The following ERCC6 variants were observed in gnomAD, a reference collection of about 807,000 sequenced individuals.
The protein encoded by ERCC6 is ERCC excision repair 6, chromatin remodeling factor.
ERCC6 carries 116 observed loss-of-function variants against 158.7 expected under a neutral mutation model. That is an observed-to-expected ratio of 0.73 (90% confidence interval 0.63 to 0.85). The LOEUF (loss-of-function observed/expected upper bound fraction) is 0.85, where lower values mean the gene tolerates loss of function less well. Among genes scored for constraint, ERCC6 ranks in the 40% least tolerant of loss-of-function variants. ERCC6 has a pLI of 0.00. For synonymous variants in ERCC6, 678 were observed against 659.3 expected (o/e 1.03, Z -0.43); for missense variants, 1,698 against 1,799.4 (o/e 0.94, Z 1.02).
At chr10:49,445,045 A>C in the ERCC6 span, among the ~76,000 whole-genome samples, 1 of 152,346 alleles carries the variant, frequency 6.6e-6, no homozygotes, top group African/African-American at 2.4e-5. Context: ...CAACAAAAAA[A>C]CACTAAATAT....
chr10:49,516,739 C>G, intron 5 of ERCC6: 1 of 1,614,088 alleles, frequency 6.2e-7, no homozygotes, highest in African/African-American at 1.3e-5. Context: ...GTAACTCTAC[C>G]TGCTACGGGT....
intron 5 of ERCC6, among the ~76,000 whole-genome samples, chr10:49,517,617 A>G (rs1837020105): frequency 6.6e-6 from 1 of 151,948 alleles, no homozygotes; most frequent in East Asian, 1.9e-4. Flanking sequence ...AAATGAACAC[A>G]GTCTTCTTTC....
chr10:49,454,344 T>C (rs1164848731), downstream of ERCC6, among the ~76,000 whole-genome samples: 1 of 152,194 alleles, frequency 6.6e-6, no homozygotes. Flanking sequence ...CCCTGTGAGG[T>C]ACCATACCTC....
chr10:49,539,460 T>C (rs762351237), upstream of ERCC6: 1 of 152,336 alleles, frequency 6.6e-6, no homozygotes, highest in Non-Finnish European at 1.5e-5. Flanking sequence ...TGACCTCTCT[T>C]GTTGTCTCCC....
chr10:49,517,185 G>T, intron 5 of ERCC6: 1 of 1,498,082 alleles, frequency 6.7e-7, no homozygotes, highest in Non-Finnish European at 8.9e-7. Flanking sequence ...TTCCAAAAAT[G>T]GAACATGAAA....
chr10:49,515,162 C>T (rs1046396177), intron 5 of ERCC6: 14 of 1,314,632 alleles, frequency 1.1e-5, no homozygotes, highest in South Asian at 2.3e-5. Flanking sequence ...GCATGAAATT[C>T]ATATATGTTA....
intron 10 of ERCC6, 30 bp downstream of exon 10, chr10:49,482,657 G>A: frequency 6.9e-6 from 11 of 1,597,592 alleles, no homozygotes; most frequent in Non-Finnish European, 9.4e-6. Context: ...ATATTAAAAT[G>A]CCAAAAGTAT....
chr10:49,524,348 G>A lies in ERCC6; in HGVS notation c.1082C>T (p.Pro361Leu), dbSNP rs752667183. The change falls in exon 5 of 21, where the codon CCA becomes CTA. Residue 361 changes from proline to leucine, a missense_variant. By Grantham distance (98) the Pro-to-Leu change is moderately conservative. Transcript: ENST00000355832. The stretch of plus-strand genomic sequence containing the variant: ...ACCCTCAGAGTCTCCCTCTGCCTCT[G>A]GCCTCATGTCTGACTCCCAAGGTCT... ...ARRPWESDMR[P>L]EAEGDSEGEE... 1 of 1,614,080 alleles carries A rather than the reference G, an allele frequency of 6.2e-7. No homozygotes were observed. Among genetic ancestry groups the A allele is most frequent in the East Asian group, 2.2e-5 (1 of 44,868 alleles).
chr10:49,453,754 G>C (rs1850446778), downstream of ERCC6, among the ~76,000 whole-genome samples: 1 of 101,574 alleles, frequency 9.8e-6, no homozygotes, highest in East Asian at 3.6e-4. Flanking sequence ...GCTGGATATA[G>C]GATTCTTGGT....
chr10:49,516,798 T>C (rs1201155922), intron 5 of ERCC6: 1 of 1,614,078 alleles, frequency 6.2e-7, no homozygotes, highest in Admixed American at 1.7e-5. Context: ...TTTTGTCATT[T>C]TCCTCCTCCT....
chr10:49,519,450 T>C (rs1003419951), intron 5 of ERCC6, among the ~76,000 whole-genome samples: 1 of 152,160 alleles, frequency 6.6e-6, no homozygotes, highest in Non-Finnish European at 1.5e-5. Flanking sequence ...ACAATAAAAA[T>C]AGGGACTCAT....
At chr10:49,500,335 A>G (rs1238265057) in intron 7 of ERCC6, among the ~76,000 whole-genome samples, 5 of 152,194 alleles carry the variant, frequency 3.3e-5, no homozygotes, top group African/African-American at 1.2e-4. Context: ...GAATTCATTA[A>G]AAGTGTTACA....
the ERCC6 span, among the ~76,000 whole-genome samples, chr10:49,444,315 G>A: frequency 4.6e-5 from 7 of 152,202 alleles, no homozygotes; most frequent in Non-Finnish European, 8.8e-5. Context: ...TCTCCACAGC[G>A]CTGGAGGCAG....
intron 5 of ERCC6, chr10:49,515,206 GAAAA>G (rs1234629386): frequency 1.5e-6 from 2 of 1,309,888 alleles, no homozygotes; most frequent in African/African-American, 1.5e-5. Context: ...AATTTGAAGA[GAAAA>G]AAAAATTTAT....
At chr10:49,489,894 GGTTA>G (rs1448985133) in intron 8 of ERCC6, among the ~76,000 whole-genome samples, 4 of 152,198 alleles carry the variant, frequency 2.6e-5, no homozygotes, top group South Asian at 2.1e-4. Flanking sequence ...GGCTTTTTAA[GGTTA>G]GTTAAAAACA....
chr10:49,437,978 T>C, the ERCC6 span, among the ~76,000 whole-genome samples: 1 of 152,244 alleles, frequency 6.6e-6, no homozygotes, highest in African/African-American at 2.4e-5. Context: ...CAATACCTAA[T>C]ACAATGTAAA....
intron 12 of ERCC6, among the ~76,000 whole-genome samples, chr10:49,474,804 T>C (rs1016513571): frequency 2.0e-5 from 3 of 152,096 alleles, no homozygotes; most frequent in Non-Finnish European, 4.4e-5. Flanking sequence ...GGGAAAGATA[T>C]GGTCCATGCA....
At position 49,461,463 on chromosome 10, in the gene ERCC6, T is replaced by TG. The variant is rs1386369933; in HGVS notation, c.3871dup (p.Gln1291ProfsTer40). ...GAGCCTCAGTGCTTTCAGGGCATCC[T>TG]GGGCCACTCGGTTGGCTTCTGCCTC... On this transcript the variant is annotated frameshift_variant, in exon 19 of 21. Coordinates refer to ENST00000355832, the MANE Select transcript of ERCC6 (RefSeq NM_000124.4). LOFTEE classifies it high-confidence loss of function. The TG allele has an allele frequency of 3.7e-6, 6 of 1,614,074 alleles. No homozygotes were observed. Among genetic ancestry groups the TG allele is most frequent in the Non-Finnish European group, 5.1e-6 (6 of 1,180,036 alleles).
rs370285377 is a variant in ERCC6 at position 49,459,230 on chromosome 10, C to A, written c.4067G>T (p.Gly1356Val). ...STSPTEKCQD[G>V]IMKKEGKDNV... is the part of the protein sequence containing the mutation. ...ATCTTTTCCCTCCTTTTTCATGATG[C>A]CATCCTATAAAAAGAAGACCACTAT... Residue 1356 changes from glycine to valine, a missense_variant, in exon 21 of 21, where the codon GGC (glycine) becomes GTC (valine). Gly to Val is a moderately radical substitution (Grantham distance 109). Coordinates refer to ENST00000355832, the MANE Select transcript of ERCC6 (RefSeq NM_000124.4). The A allele has an allele frequency of 1.9e-6, 3 of 1,613,682 alleles. No homozygotes were observed. The highest frequency in any genetic ancestry group is 1.3e-5 in the African/African-American group (1 of 74,862).
Sources: gnomAD v4.1 joint callset for allele counts (sites outside exome capture counted in the v4.1 genomes callset) on GRCh38, gnomAD v4.1.1 for gene constraint, MANE v1.5 for transcripts, NCBI Gene and HGNC (gene_info 2026-07-23, HGNC 2026-07-21) for gene names.